Variants in ARVCF observed in about 807,000 individuals in gnomAD.
ARVCF encodes splicing regulator ARVCF.
A neutral mutation model predicts 90.9 loss-of-function variants in ARVCF; 66 were observed. The ratio of observed to expected loss-of-function variants is 0.73; its 90% CI spans 0.60 to 0.89. The LOEUF is 0.89. Ranked by LOEUF, ARVCF falls within the 40% of genes least tolerant of loss-of-function variation. The pLI, the probability that ARVCF is intolerant of heterozygous loss-of-function variation, is 0.00. For synonymous variants in ARVCF, 653 were observed against 603.4 expected, an observed-to-expected ratio of 1.08 and a Z score of -1.21; for missense variants, 1,469 against 1,382.3, an observed-to-expected ratio of 1.06 and a Z score of -1.00.
At position 19,976,703 on chromosome 22, in the gene ARVCF, C is replaced by A; in HGVS notation, c.1888+3G>T. On this transcript the variant is annotated splice_donor_region_variant and intron_variant, in intron 10 of 19. Transcript: ENST00000263207. ...CTGGAGAGCAGGATAAAAAGGGACTCACCTTGGTGGAACCACTCCTCTGGG... is the reference window on the plus strand; with the variant it reads ...CTGGAGAGCAGGATAAAAAGGGACTAACCTTGGTGGAACCACTCCTCTGGG... 6.4e-7 allele frequency: 1 copy of A among 1,559,712 alleles called. No individual in the cohort carries two copies. The highest frequency in any genetic ancestry group is 1.7e-4 in the Middle Eastern group (1 of 5,996).
chr22:19,967,420 C>T (rs1032116173), downstream of ARVCF: 4 of 470,756 alleles, frequency 8.5e-6, no homozygotes, highest in Non-Finnish European at 1.8e-5. Flanking sequence ...AATGAAAACA[C>T]ATCATGATTC....
intron 2 of ARVCF, among the ~76,000 whole-genome samples, chr22:20,010,035 T>C (rs559294503): frequency 2.8e-4 from 42 of 152,326 alleles, no homozygotes; most frequent in Non-Finnish European, 4.6e-4. Context: ...TCTGTCCCTG[T>C]GGCTCCAGTC....
chr22:19,977,924 C>T, intron 8 of ARVCF, 34 bp downstream of exon 8: 1 of 1,569,076 alleles, frequency 6.4e-7, no homozygotes, highest in Non-Finnish European at 8.7e-7. Context: ...GTCTCTCCAG[C>T]CCTTGGTATG....
intron 16 of ARVCF, 58 bp downstream of exon 16, chr22:19,972,679 A>C: frequency 1.3e-6 from 2 of 1,517,414 alleles, no homozygotes; most frequent in Non-Finnish European, 1.8e-6. Flanking sequence ...CCCAAGGGTC[A>C]GGCAACTGGG....
chr22:19,987,106 CG>C (rs775387204), intron 3 of ARVCF: 12 of 560,568 alleles, frequency 2.1e-5, no homozygotes, highest in East Asian at 6.9e-5. Flanking sequence ...GGCCGGGACT[CG>C]GGGGGCGCTG....
intron 6 of ARVCF, chr22:19,979,285 G>C: frequency 1.6e-6 from 1 of 620,022 alleles, no homozygotes; most frequent in Non-Finnish European, 2.8e-6. Context: ...AGGAGGTGCA[G>C]AGGAGGGTGT....
downstream of ARVCF, chr22:19,968,459 A>C: frequency 1.4e-6 from 2 of 1,422,066 alleles, no homozygotes; most frequent in Non-Finnish European, 2.0e-6. Context: ...CCTAGTGAGG[A>C]GCACCCATCC....
At chr22:19,972,220 C>T (rs545740094) in intron 17 of ARVCF, 138 bp downstream of exon 17, 9 of 1,191,832 alleles carry the variant, frequency 7.6e-6, no homozygotes, top group African/African-American at 4.5e-5. Context: ...CTGCCCTGTA[C>T]CTCACCCTCT....
intron 3 of ARVCF, among the ~76,000 whole-genome samples, chr22:19,989,311 C>G (rs887201): frequency 0.92 from 139,648 of 152,122 alleles, 64,670 homozygotes; most frequent in African/African-American, 0.97. Context: ...ATTTGACTCT[C>G]ACCATGCACT....
In ARVCF at chr22:19,979,003, C is replaced by T. The variant is rs886116986; in HGVS notation, c.1474G>A (p.Glu492Lys). ...CATCCTGAGTGGGGCACGATCACCTCGTGGGTCAGCGTCTGCAGGCCATGG... is the reference window on the plus strand; with the variant it reads ...CATCCTGAGTGGGGCACGATCACCTTGTGGGTCAGCGTCTGCAGGCCATGG... ...IDHGLQTLTH[E>K]VIVPHSGWER... The change falls in exon 7 of 20, where the codon GAG (glutamate) becomes AAG (lysine). Residue 492 changes from glutamate (E) to lysine (K), a missense_variant. Transcript: ENST00000263207. 5.0e-6 allele frequency: 8 copies of T among 1,613,242 alleles called. No homozygotes were observed. The highest frequency in any genetic ancestry group is 4.0e-5 in the African/African-American group (3 of 74,914).
In ARVCF at chr22:20,013,387, A is replaced by G. The variant is rs574342759; in HGVS notation, c.-72-2879T>C. On this transcript the variant is annotated intron_variant, in intron 1 of 19. Coordinates refer to ENST00000263207, the MANE Select transcript of ARVCF (RefSeq NM_001670.3). The stretch of plus-strand genomic sequence containing the variant: ...CTGAGCCTGTGTGTGGTCACCCACC[A>G]GCTGGCCTTCAGGCTTCCTTCTGCC... 5.9e-5 allele frequency among the ~76,000 whole-genome samples: 9 copies of G among 152,364 alleles called. No homozygotes were observed. In the South Asian group the frequency reaches 1.9e-3, roughly 32 times the overall value.
At chr22:19,988,317 C>CT (rs1943896808) in intron 3 of ARVCF, among the ~76,000 whole-genome samples, 1 of 152,246 alleles carries the variant, frequency 6.6e-6, no homozygotes, top group Non-Finnish European at 1.5e-5. Context: ...GCCAACCTGC[C>CT]TGGAACCCCT....
At chr22:19,989,696 C>T (rs747121874) in intron 3 of ARVCF, among the ~76,000 whole-genome samples, 15 of 151,970 alleles carry the variant, frequency 9.9e-5, no homozygotes, top group South Asian at 2.1e-4. Flanking sequence ...CTGGGTTTAG[C>T]GGGGCAGGGA....
At chr22:19,984,802 G>T (rs1193988085) in intron 3 of ARVCF, among the ~76,000 whole-genome samples, 1 of 152,208 alleles carries the variant, frequency 6.6e-6, no homozygotes, top group Non-Finnish European at 1.5e-5. Flanking sequence ...TCAACACACA[G>T]GGACAGGGGC....
chr22:19,972,619 G>T (rs1038628360), intron 16 of ARVCF, 118 bp downstream of exon 16: 2 of 1,219,350 alleles, frequency 1.6e-6, no homozygotes, highest in Non-Finnish European at 2.3e-6. Context: ...CAGGGAAAGT[G>T]GCCTATGGAA....
rs534677992 is a variant in ARVCF at position 19,980,091 on chromosome 22, G to T, written c.1048C>A (p.Arg350Ser). 6 of 1,583,760 alleles carry T rather than the reference G, an allele frequency of 3.8e-6. 1 individual carries two copies. Among genetic ancestry groups the T allele is most frequent in the Non-Finnish European group, 5.1e-6 (6 of 1,167,112 alleles). ...GGGTCCCGCCAGCGCGGCTCCTTGC[G>T]GGCGCTATCCACTGAGGGCGAGCGC... ...VRRSPSVDSA[R>S]KEPRWRDPEL... Residue 350 changes from arginine (R) to serine (S), a missense_variant, in exon 6 of 20, where the codon CGC (arginine) becomes AGC (serine). Coordinates refer to ENST00000263207, the MANE Select transcript of ARVCF (RefSeq NM_001670.3).
rs71313931 is a variant in ARVCF, at chr22:19,972,661, C to G, written c.2641+76G>C. 405,763 of 1,457,986 alleles carry G rather than the reference C, an allele frequency of 0.28. 58,986 individuals carry two copies. Among genetic ancestry groups the G allele is most frequent in the South Asian group, 0.33 (24,296 of 74,038 alleles). 90.3% of individuals were successfully genotyped at this position (1,457,986 alleles called of 1,614,324 possible). Reference sequence around the variant, plus strand: ...TCAGTGGGAGGCCTGACTCCTCCTTCACCTTCACCCAAGGGTCAGGCAACT... The same window carrying G: ...TCAGTGGGAGGCCTGACTCCTCCTTGACCTTCACCCAAGGGTCAGGCAACT... On this transcript the variant is annotated intron_variant, in intron 16 of 19. Transcript: ENST00000263207.
chr22:19,981,772 C>T lies in ARVCF; in HGVS notation c.370-35G>A, dbSNP rs188951722. ...GGATAGGCAGGTAGGTGGGGTAGCA[C>T]GAGAGGCCTAGAAACTGCTTTGCTG... On this transcript the variant is annotated intron_variant, in intron 4 of 19. Transcript: ENST00000263207. 2.3e-5 allele frequency: 36 copies of T among 1,550,708 alleles called. No homozygotes were observed. The South Asian group carries it at 2.5e-4, about 11-fold the overall frequency.
At chr22:20,005,738 G>A (rs1170678452) in intron 2 of ARVCF, among the ~76,000 whole-genome samples, 1 of 151,558 alleles carries the variant, frequency 6.6e-6, no homozygotes, top group Non-Finnish European at 1.5e-5. Flanking sequence ...GGAGCTTGCA[G>A]TGAGCCAAGA....
Sources: gnomAD v4.1 joint callset for allele counts (sites outside exome capture counted in the v4.1 genomes callset) on GRCh38, gnomAD v4.1.1 for gene constraint, MANE v1.5 for transcripts, NCBI Gene and HGNC (gene_info 2026-07-23, HGNC 2026-07-21) for gene names.